The following AUTS2 variants were observed in gnomAD, a reference collection of about 807,000 sequenced individuals.
The protein encoded by AUTS2 is autism susceptibility gene 2 protein.
In AUTS2, 17 loss-of-function variants were observed where a neutral mutation model predicts 112.4. The ratio of observed to expected loss-of-function variants is 0.15; its 90% confidence interval spans 0.10 to 0.23. The LOEUF (loss-of-function observed/expected upper bound fraction) is 0.23, where lower values mean the gene tolerates loss of function less well. Among genes scored for constraint, AUTS2 ranks in the 10% least tolerant of loss-of-function variants. The pLI, the probability that AUTS2 is intolerant of heterozygous loss-of-function variation, is 1.00. For missense variants in AUTS2, 1,510 were observed against 1,701.6 expected, an observed-to-expected ratio of 0.89 and a Z score of 1.98; for synonymous variants, 751 against 702.7, an observed-to-expected ratio of 1.07 and a Z score of -1.09.
intron 1 of AUTS2, among the ~76,000 whole-genome samples, chr7:69,888,774 A>G (rs956504120): frequency 7.3e-5 from 11 of 151,540 alleles, no homozygotes; most frequent in Non-Finnish European, 7.4e-5. Flanking sequence ...GGGTTTTACC[A>G]TATTGCCCAG....
intron 2 of AUTS2, among the ~76,000 whole-genome samples, chr7:69,973,183 TG>T: frequency 6.6e-6 from 1 of 152,150 alleles, no homozygotes; most frequent in East Asian, 1.9e-4. Context: ...CTATCACTTT[TG>T]GGGGGCACTT....
intron 4 of AUTS2, among the ~76,000 whole-genome samples, chr7:70,215,009 G>C (rs190633095): frequency 3.9e-5 from 6 of 152,306 alleles, no homozygotes; most frequent in Admixed American, 2.0e-4. Context: ...ACTAAGCCAG[G>C]CACAGTGGCT....
At chr7:70,342,900 C>A (rs1366299789) in intron 4 of AUTS2, among the ~76,000 whole-genome samples, 2 of 152,116 alleles carry the variant, frequency 1.3e-5, no homozygotes, top group African/African-American at 4.8e-5. Flanking sequence ...TTCACCGTGG[C>A]AGTGTTTTGT....
At chr7:69,699,938 T>TGC (rs1226958688) in intron 1 of AUTS2, among the ~76,000 whole-genome samples, 2 of 152,166 alleles carry the variant, frequency 1.3e-5, no homozygotes, top group Non-Finnish European at 2.9e-5. Context: ...CAGTGAATAA[T>TGC]CTTGATCATA....
At chr7:69,908,179 T>C (rs1262118717) in intron 2 of AUTS2, among the ~76,000 whole-genome samples, 1 of 152,222 alleles carries the variant, frequency 6.6e-6, no homozygotes, top group Admixed American at 6.5e-5. Flanking sequence ...ACTATCACTC[T>C]TTGCTCTTAG....
chr7:70,135,298 A>G (rs954007083), intron 4 of AUTS2, among the ~76,000 whole-genome samples: 6 of 152,120 alleles, frequency 3.9e-5, no homozygotes, highest in Non-Finnish European at 8.8e-5. Context: ...CAAGATACAA[A>G]TGAAAAAGAG....
At position 69,891,488 on chromosome 7, in the gene AUTS2, A is replaced by C. The variant is rs112933025; in HGVS notation, c.310-7798A>C. ...ATGTACTTTAATTTCTCTTAGGGAAATACCTAGGAGTAGAACGGTTGGATC... is the reference window on the plus strand; with the variant it reads ...ATGTACTTTAATTTCTCTTAGGGAACTACCTAGGAGTAGAACGGTTGGATC... On this transcript the variant is annotated intron_variant, in intron 1 of 18. Coordinates refer to ENST00000342771, the MANE Select transcript of AUTS2 (RefSeq NM_015570.4). Among the ~76,000 whole-genome samples the C allele has an allele frequency of 3.8e-4, 58 of 152,256 alleles. 2 individuals are homozygous for C. The highest frequency in any genetic ancestry group is 1.3e-3 in the African/African-American group (54 of 41,562).
intron 6 of AUTS2, among the ~76,000 whole-genome samples, chr7:70,754,783 T>C (rs1029286827): frequency 2.6e-5 from 4 of 151,984 alleles, no homozygotes; most frequent in African/African-American, 9.7e-5. Flanking sequence ...GGATTAGATA[T>C]TCAAAAAGAT....
intron 1 of AUTS2, among the ~76,000 whole-genome samples, chr7:69,767,176 G>A (rs2129293274): frequency 6.6e-6 from 1 of 151,782 alleles, no homozygotes; most frequent in Admixed American, 6.6e-5. Context: ...ACATTTCTTT[G>A]TCATCGTCTT....
intron 2 of AUTS2, among the ~76,000 whole-genome samples, chr7:69,940,636 A>G (rs181702019): frequency 1.3e-5 from 2 of 152,288 alleles, no homozygotes; most frequent in African/African-American, 2.4e-5. Flanking sequence ...GGGTAGAACC[A>G]TGGGTATAAC....
chr7:69,878,357 AT>A (rs1297952062), intron 1 of AUTS2, among the ~76,000 whole-genome samples: 1 of 152,114 alleles, frequency 6.6e-6, no homozygotes, highest in Non-Finnish European at 1.5e-5. Flanking sequence ...TGACTGCAAC[AT>A]TTTTGTTCAG....
chr7:70,266,474 C>T (rs73704133), intron 4 of AUTS2, among the ~76,000 whole-genome samples: 2,949 of 152,128 alleles, frequency 0.019, 61 homozygotes, highest in East Asian at 0.051. Context: ...CTACTGAAAA[C>T]CCTGTGAAAT....
intron 2 of AUTS2, among the ~76,000 whole-genome samples, chr7:70,026,387 G>GT (rs915877282): frequency 6.6e-6 from 1 of 152,188 alleles, no homozygotes; most frequent in Admixed American, 6.5e-5. Context: ...AGAGCAGGCT[G>GT]TGAGTTCCCT....
intron 2 of AUTS2, among the ~76,000 whole-genome samples, chr7:70,039,257 T>C (rs1370875984): frequency 1.3e-5 from 2 of 152,260 alleles, no homozygotes; most frequent in East Asian, 1.9e-4. Context: ...ACAAAGGGGA[T>C]CCATATTCTA....
intron 2 of AUTS2, among the ~76,000 whole-genome samples, chr7:70,041,008 A>G (rs994267601): frequency 6.6e-6 from 1 of 152,212 alleles, no homozygotes; most frequent in African/African-American, 2.4e-5. Context: ...TTTCTAAGAA[A>G]GTGATCCATG....
intron 4 of AUTS2, among the ~76,000 whole-genome samples, chr7:70,362,512 T>C (rs565493548): frequency 6.6e-6 from 1 of 152,132 alleles, no homozygotes; most frequent in Non-Finnish European, 1.5e-5. Flanking sequence ...CCTTGCAGTC[T>C]TATAAAATAA....
At chr7:70,012,468 G>A (rs1356149204) in intron 2 of AUTS2, among the ~76,000 whole-genome samples, 1 of 152,092 alleles carries the variant, frequency 6.6e-6, no homozygotes, top group African/African-American at 2.4e-5. Context: ...CCAAAGTCAG[G>A]AATTTTTTAG....
At chr7:70,555,175 G>A (rs1424102439) in intron 5 of AUTS2, among the ~76,000 whole-genome samples, 1 of 152,114 alleles carries the variant, frequency 6.6e-6, no homozygotes, top group Non-Finnish European at 1.5e-5. Context: ...GAAAGTGTGT[G>A]GTTAAAACAG....
chr7:70,665,899 G>C (rs1250929744), intron 5 of AUTS2, among the ~76,000 whole-genome samples: 1 of 152,190 alleles, frequency 6.6e-6, no homozygotes, highest in Non-Finnish European at 1.5e-5. Flanking sequence ...CAACTGTAAT[G>C]TGAACACAAA....
Sources: allele counts gnomAD v4.1 joint callset (sites outside exome capture counted in the v4.1 genomes callset), GRCh38; gene constraint gnomAD v4.1.1; transcripts MANE v1.5; gene names NCBI Gene and HGNC (gene_info 2026-07-23, HGNC 2026-07-21).